Variants in RSRP1 observed in about 807,000 individuals in gnomAD.
The protein encoded by RSRP1 is arginine and serine rich protein 1, also known as arginine/serine-rich protein 1.
In RSRP1, 37 loss-of-function variants were observed where a neutral mutation model predicts 33.0. The ratio of observed to expected loss-of-function variants is 1.12; its 90% confidence interval spans 0.86 to 1.48. The LOEUF (loss-of-function observed/expected upper bound fraction) is 1.48, where lower values mean the gene tolerates loss of function less well. Among genes scored for constraint, RSRP1 ranks in the 40% most tolerant of loss-of-function variants. The probability of loss-of-function intolerance (pLI) is 0.00; values close to 1 mark genes in which losing one functional copy is unlikely to be tolerated. For synonymous variants in RSRP1, 167 were observed against 158.7 expected (o/e 1.05, Z -0.40); for missense variants, 402 against 385.3 (o/e 1.04, Z -0.36).
At chr1:25,258,611 A>T (rs962479228) in intron 1 of RSRP1, among the ~76,000 whole-genome samples, 4 of 152,226 alleles carry the variant, frequency 2.6e-5, no homozygotes, top group Non-Finnish European at 5.9e-5. Flanking sequence ...AATTAGTTCC[A>T]ATTATTCTCT....
intron 1 of RSRP1, among the ~76,000 whole-genome samples, chr1:25,258,341 G>A (rs1014176380): frequency 2.0e-5 from 3 of 151,918 alleles, no homozygotes; most frequent in East Asian, 1.9e-4. Flanking sequence ...CCACCATGCC[G>A]GCTAATTTTT....
intron 1 of RSRP1, among the ~76,000 whole-genome samples, chr1:25,305,647 C>T (rs149840421): frequency 0.013 from 1,662 of 128,852 alleles, 240 homozygotes; most frequent in African/African-American, 0.041. Context: ...TTTGCCCAGG[C>T]TGGAGTGCAG....
At position 25,319,738 on chromosome 1, in the gene RSRP1, G is replaced by A. The variant is rs1421892412; in HGVS notation, c.-67+18240C>T. Among the ~76,000 whole-genome samples, 5 of 132,246 alleles carry A rather than the reference G, an allele frequency of 3.8e-5. 1 individual carries two copies. The highest frequency in any genetic ancestry group is 5.4e-5 in the Non-Finnish European group (3 of 55,802). The allele number at this position is 132,246 out of a possible 152,430, so 86.8% of individuals were successfully genotyped here. On this transcript the variant is annotated intron_variant, in intron 1 of 1. Transcript: ENST00000561867. ...AATTGAGCCCTCTATGGGCCTGTCT[G>A]TATTTATTTAAGAAACAATCCTATC... is the stretch of plus-strand genomic sequence containing the variant.
At chr1:25,337,431 AGCCCGGCCGCAAGTCTTTCACGT>A (rs1255661671) in intron 1 of RSRP1, 1 of 143,254 alleles carries the variant, frequency 7.0e-6, no homozygotes. Flanking sequence ...AAGAGGGGCG[AGCCCGGCCGCAAGTCTTTCACGT>A]AGCTAAGTCA....
intron 1 of RSRP1, among the ~76,000 whole-genome samples, chr1:25,261,910 C>A (rs1313682095): frequency 2.0e-5 from 3 of 151,640 alleles, no homozygotes; most frequent in African/African-American, 7.3e-5. Flanking sequence ...TGGGGTTTCA[C>A]CATGTTGGCC....
intron 1 of RSRP1, among the ~76,000 whole-genome samples, chr1:25,258,468 G>A (rs1458051088): frequency 6.6e-6 from 1 of 152,150 alleles, no homozygotes; most frequent in African/African-American, 2.4e-5. Flanking sequence ...GTGAGCTACC[G>A]TGCCCAGCCG....
intron 1 of RSRP1, among the ~76,000 whole-genome samples, chr1:25,295,083 A>AGATG (rs1642828100): frequency 6.8e-6 from 1 of 147,068 alleles, no homozygotes; most frequent in Non-Finnish European, 1.5e-5. Context: ...GGGAGACCAG[A>AGATG]GATGGGGCTG....
Position 25,242,527 on chromosome 1 carries a change from A to C in RSRP1, c.*62T>G, listed in dbSNP as rs970359293. The C allele has an allele frequency of 2.4e-5, 25 of 1,040,358 alleles. No individual in the cohort carries two copies. The East Asian group carries it at 5.7e-4, about 24-fold the overall frequency. The allele number at this position is 1,040,358 out of a possible 1,614,324, so 64.4% of individuals were successfully genotyped here. ...TGGCTCAAAGGGATGGGATAATGCT[A>C]GAAACACTAACTTGCAATAAAGTGC... On this transcript the variant is annotated 3_prime_UTR_variant, in exon 5 of 5. Transcript: ENST00000243189.
intron 1 of RSRP1, among the ~76,000 whole-genome samples, chr1:25,263,604 G>A (rs1432984413): frequency 4.6e-5 from 7 of 151,734 alleles, no homozygotes; most frequent in Admixed American, 3.9e-4. Flanking sequence ...CTCCCACAAC[G>A]CATGGGAATT....
chr1:25,310,529 A>G (rs1484522487), intron 1 of RSRP1, among the ~76,000 whole-genome samples: 1 of 131,432 alleles, frequency 7.6e-6, no homozygotes, highest in African/African-American at 2.6e-5. Flanking sequence ...ATAGCAACAG[A>G]ATATGGACAA....
intron 1 of RSRP1, among the ~76,000 whole-genome samples, chr1:25,303,050 G>A (rs1440720274): frequency 7.6e-6 from 1 of 131,468 alleles, no homozygotes; most frequent in East Asian, 2.0e-4. Context: ...TGGGTGCCTA[G>A]GATGCTGAGC....
rs777570773 is a variant in RSRP1, at chr1:25,246,521, G to A, written c.443C>T (p.Pro148Leu). 4 of 1,614,220 alleles carry A rather than the reference G, an allele frequency of 2.5e-6. No individual in the cohort carries two copies. The highest frequency in any genetic ancestry group is 1.1e-5 in the South Asian group (1 of 91,088). Reference protein sequence around the residue: ...RYYGFGRTVYPEEHSRWRDRS... With the variant: ...RYYGFGRTVYLEEHSRWRDRS... The stretch of plus-strand genomic sequence containing the variant: ...GTCCCTCCATCTGCTGTGCTCCTCC[G>A]GGTACACTGTGCGACCAAAGCCGTA... Residue 148 changes from proline to leucine, a missense_variant, in exon 2 of 5, where the codon CCG becomes CTG. Transcript: ENST00000243189.
Position 25,246,863 on chromosome 1 carries a change from G to C in RSRP1, c.101C>G (p.Ser34Cys), listed in dbSNP as rs1557488247. ...GCTTCTGGAAAAAGAGCGGCTCCTA[G>C]ACCGCGACGACAGCCGGCTGGACCC... Reference protein sequence around the residue: ...SGGSSRLSSRSRSRSFSRSSR... With the variant: ...SGGSSRLSSRCRSRSFSRSSR... The change falls in exon 2 of 5, where the codon TCT becomes TGT. Residue 34 changes from serine to cysteine, a missense_variant. Coordinates refer to ENST00000243189, the MANE Select transcript of RSRP1 (RefSeq NM_020317.5). 6.2e-7 allele frequency: 1 copy of C among 1,610,920 alleles called. No homozygotes were observed. The highest frequency in any genetic ancestry group is 8.5e-7 in the Non-Finnish European group (1 of 1,178,162).
rs1385255322 is a variant in RSRP1, at chr1:25,246,667, C to T, written c.297G>A (p.Gly99=). Residue 99 remains glycine (G), a synonymous_variant, in exon 2 of 5, where the codon GGG becomes GGA. Coordinates refer to ENST00000243189, the MANE Select transcript of RSRP1 (RefSeq NM_020317.5). ...RSRRYRERRY[G]FTRRYYRSPS... ...GAGACCGGTAGTATCTCCTGGTGAA[C>T]CCGTAGCGCCTCTCTCGGTAACGGC... 3 of 1,611,854 alleles carry T rather than the reference C, an allele frequency of 1.9e-6. No homozygotes were observed. Among genetic ancestry groups the T allele is most frequent in the South Asian group, 2.2e-5 (2 of 91,060 alleles).
intron 1 of RSRP1, among the ~76,000 whole-genome samples, chr1:25,263,077 A>G (rs1340736748): frequency 6.6e-6 from 1 of 152,206 alleles, no homozygotes; most frequent in Non-Finnish European, 1.5e-5. Flanking sequence ...TGAAGAGGTT[A>G]ATATCTGAGC....
At chr1:25,269,888 G>A (rs1411218220) in intron 1 of RSRP1, among the ~76,000 whole-genome samples, 1 of 132,270 alleles carries the variant, frequency 7.6e-6, no homozygotes, top group East Asian at 1.9e-4. Context: ...GGAGTGCCTT[G>A]GAACCAACCA....
chr1:25,305,152 A>C lies in RSRP1; in HGVS notation c.-67+32826T>G, dbSNP rs1370513719. 2.3e-5 allele frequency among the ~76,000 whole-genome samples: 3 copies of C among 131,592 alleles called. No individual in the cohort carries two copies. In the East Asian group the frequency reaches 5.9e-4, roughly 26 times the overall value. The allele number at this position is 131,592 out of a possible 152,430, so 86.3% of individuals were successfully genotyped here. A position where few individuals can be genotyped will look rare whatever the true frequency, so the allele number is the denominator to read the frequency against. On this transcript the variant is annotated intron_variant, in intron 1 of 1. Transcript: ENST00000561867. ...GAGCAGAGGAAACGGTTGACAGCCA[A>C]GTGTTGACAGAGAAGTAGTATTAGC...
intron 1 of RSRP1, among the ~76,000 whole-genome samples, chr1:25,279,329 G>T (rs1339055915): frequency 1.6e-5 from 2 of 126,006 alleles, no homozygotes; most frequent in East Asian, 3.9e-4. Flanking sequence ...TGAGCAGCTG[G>T]CATTGTTTCA....
At chr1:25,252,378 GA>G (rs201569760), upstream of RSRP1, among the ~76,000 whole-genome samples, 10 of 149,042 alleles carry the variant, frequency 6.7e-5, no homozygotes, top group Non-Finnish European at 1.3e-4. Flanking sequence ...TAGCAGTGAG[GA>G]AAAAAAAACA....
Sources: allele counts gnomAD v4.1 joint callset (sites outside exome capture counted in the v4.1 genomes callset), GRCh38; gene constraint gnomAD v4.1.1; transcripts MANE v1.5; gene names NCBI Gene and HGNC (gene_info 2026-07-23, HGNC 2026-07-21).